The following CD164 variants were observed in gnomAD, a reference collection of about 807,000 sequenced individuals.
CD164 encodes sialomucin core protein 24.
Under a neutral mutation model 24.6 loss-of-function variants are expected in CD164, and 11 were observed. That is an observed-to-expected ratio of 0.45 (90% CI 0.28 to 0.74). The LOEUF (loss-of-function observed/expected upper bound fraction) is 0.74, where lower values mean the gene tolerates loss of function less well. Among genes scored for constraint, CD164 ranks in the 30% least tolerant of loss-of-function variants. CD164 has a pLI of 0.13. For missense variants in CD164, 295 were observed against 243.7 expected (o/e 1.21, Z -1.40); for synonymous variants, 126 against 100.3 (o/e 1.26, Z -1.53).
At chr6:109,374,515 A>C (rs1054461645) in intron 4 of CD164, among the ~76,000 whole-genome samples, 2 of 152,056 alleles carry the variant, frequency 1.3e-5, no homozygotes, top group Admixed American at 1.3e-4. Context: ...CAGGCTATCT[A>C]ATCTCCTGAG....
intron 4 of CD164, chr6:109,371,210 G>A (rs1331768111): frequency 6.6e-6 from 1 of 152,000 alleles, no homozygotes; most frequent in Non-Finnish European, 1.5e-5. Flanking sequence ...TACACTCTGA[G>A]AAGGATTAGT....
chr6:109,376,102 G>C lies in CD164; in HGVS notation c.342C>G (p.Ala114=). 1 of 1,564,722 alleles carries C rather than the reference G, an allele frequency of 6.4e-7. No homozygotes were observed. Reference sequence around the variant, plus strand: ...TAGAATTGGCTGTTGGCACTGGAGTGGCCGTGGAAACTATTAAAAAAAGAA... The same window carrying C: ...TAGAATTGGCTGTTGGCACTGGAGTCGCCGTGGAAACTATTAAAAAAAGAA... ...NTTDFCSVST[A]TPVPTANSTA... is the part of the protein sequence containing the mutation. The change falls in exon 4 of 6, where the codon GCC becomes GCG. Residue 114 remains alanine, a synonymous_variant. Coordinates refer to ENST00000310786, the MANE Select transcript of CD164 (RefSeq NM_006016.6).
intron 4 of CD164, among the ~76,000 whole-genome samples, chr6:109,375,201 A>G (rs1771324012): frequency 6.6e-6 from 1 of 152,222 alleles, no homozygotes; most frequent in African/African-American, 2.4e-5. Context: ...ACTCAAACCT[A>G]TCAGAGATAA....
chr6:109,379,475 A>C, intron 2 of CD164, 104 bp downstream of exon 2: 2 of 796,188 alleles, frequency 2.5e-6, no homozygotes, highest in Non-Finnish European at 4.0e-6. Context: ...CAAAATAAAT[A>C]GTGCACAATA....
In CD164 at chr6:109,368,397, T is replaced by A. The variant is rs1562234407; in HGVS notation, c.*454A>T. 4 of 1,457,200 alleles carry A rather than the reference T, an allele frequency of 2.7e-6. No individual in the cohort carries two copies. Among genetic ancestry groups the A allele is most frequent in the Non-Finnish European group, 3.6e-6 (4 of 1,105,146 alleles). 90.3% of individuals were successfully genotyped at this position (1,457,200 alleles called of 1,614,324 possible). On this transcript the variant is annotated 3_prime_UTR_variant, in exon 6 of 6. Coordinates refer to ENST00000310786, the MANE Select transcript of CD164 (RefSeq NM_006016.6). Reference sequence around the variant, plus strand: ...AGGATACCATTTAGTACTACTAAATTAATAAATTTATTCCACTTTTGAAAT... The same window carrying A: ...AGGATACCATTTAGTACTACTAAATAAATAAATTTATTCCACTTTTGAAAT...
chr6:109,378,614 G>C (rs1406942541), intron 2 of CD164, among the ~76,000 whole-genome samples: 3 of 152,142 alleles, frequency 2.0e-5, no homozygotes, highest in Non-Finnish European at 4.4e-5. Context: ...CTTGGAACAA[G>C]AGTAAGGGGA....
intron 4 of CD164, among the ~76,000 whole-genome samples, chr6:109,375,677 T>A (rs143489787): frequency 6.7e-6 from 1 of 149,882 alleles, no homozygotes; most frequent in Non-Finnish European, 1.5e-5. Flanking sequence ...TATCGTACAA[T>A]TTCATAAAAA....
intron 2 of CD164, among the ~76,000 whole-genome samples, chr6:109,378,644 TTAAAG>T (rs1377769807): frequency 6.6e-6 from 1 of 152,102 alleles, no homozygotes; most frequent in Non-Finnish European, 1.5e-5. Context: ...CCAACAAATC[TTAAAG>T]TAGAGCATTC....
chr6:109,375,867 C>T, intron 4 of CD164: 3 of 509,636 alleles, frequency 5.9e-6, no homozygotes, highest in Non-Finnish European at 1.0e-5. Context: ...CAAATCTGCT[C>T]ACATTCACCG....
At chr6:109,381,395 A>G (rs1439877908) in intron 1 of CD164, 1 of 666,430 alleles carries the variant, frequency 1.5e-6, no homozygotes, top group East Asian at 2.7e-5. Flanking sequence ...TGAGCACAGG[A>G]CATAGTTAAG....
Position 109,369,002 on chromosome 6 carries a change from G to A in CD164, c.443C>T (p.Thr148Ile). ...TVTTSGTTNN[T>I]VTPTSQPVRK... ...CACAGGTTGTGAGGTTGGAGTCACA[G>A]TGTTATTTGTTGTACCTGTTAGATA... The change falls in exon 6 of 6, where the codon ACT becomes ATT. Residue 148 changes from threonine to isoleucine, a missense_variant. Physicochemically the swap from Thr to Ile is moderately conservative, Grantham distance 89. Transcript: ENST00000310786. 1 of 1,612,420 alleles carries A rather than the reference G, an allele frequency of 6.2e-7. No homozygotes were observed. The highest frequency in any genetic ancestry group is 8.5e-7 in the Non-Finnish European group (1 of 1,179,342).
chr6:109,375,999 A>C, intron 4 of CD164, 75 bp downstream of exon 4: 1 of 1,129,970 alleles, frequency 8.8e-7, no homozygotes. Flanking sequence ...CTTTTACATA[A>C]TTATTTAAAA....
Position 109,382,193 on chromosome 6 carries a change from C to G in CD164, c.175+11G>C, listed in dbSNP as rs569033406. On this transcript the variant is annotated intron_variant, in intron 1 of 5. Coordinates refer to ENST00000310786, the MANE Select transcript of CD164 (RefSeq NM_006016.6). ...AGGGGAGGGCGGGAAGCCCACAGGG[C>G]CCGCGCCCACCTGGTGCCGGAGTGG... 1 of 1,535,206 alleles carries G rather than the reference C, an allele frequency of 6.5e-7. No homozygotes were observed. The highest frequency in any genetic ancestry group is 8.7e-7 in the Non-Finnish European group (1 of 1,147,358).
At position 109,367,463 on chromosome 6, in the gene CD164, T is replaced by C. The variant is rs953286566; in HGVS notation, c.*1388A>G. 5.9e-5 allele frequency: 9 copies of C among 152,410 alleles called. No individual in the cohort carries two copies. Among genetic ancestry groups the C allele is most frequent in the Admixed American group, 2.0e-4 (3 of 15,296 alleles). 9.4% of individuals were successfully genotyped at this position (152,410 alleles called of 1,614,324 possible). A position where few individuals can be genotyped will look rare whatever the true frequency, so the allele number is the denominator to read the frequency against. ...AAAGCAAAAGCCCATTTTAAACTAC[T>C]TAAAGCCTCTGCACTAGTCCAATGA... is the stretch of plus-strand genomic sequence containing the variant. On this transcript the variant is annotated 3_prime_UTR_variant, in exon 6 of 6. Transcript: ENST00000310786.
At chr6:109,377,265 T>C (rs913422936) in intron 3 of CD164, among the ~76,000 whole-genome samples, 1 of 152,080 alleles carries the variant, frequency 6.6e-6, no homozygotes, top group Non-Finnish European at 1.5e-5. Flanking sequence ...AATTAAAGAG[T>C]CAAAGGTAGT....
intron 3 of CD164, among the ~76,000 whole-genome samples, chr6:109,377,458 G>C (rs1269218335): frequency 1.3e-5 from 2 of 152,052 alleles, no homozygotes; most frequent in Non-Finnish European, 2.9e-5. Flanking sequence ...AAGTTACTCA[G>C]ATTAAAATAC....
Position 109,375,940 on chromosome 6 carries a change from T to C in CD164, c.370+134A>G, listed in dbSNP as rs1582481215. 2.4e-5 allele frequency: 16 copies of C among 659,500 alleles called. 1 individual carries two copies. The East Asian group carries it at 4.9e-4, about 20-fold the overall frequency. 40.9% of individuals were successfully genotyped at this position (659,500 alleles called of 1,614,324 possible). A position where few individuals can be genotyped will look rare whatever the true frequency, so the allele number is the denominator to read the frequency against. On this transcript the variant is annotated intron_variant, in intron 4 of 5. Transcript: ENST00000310786. The stretch of plus-strand genomic sequence containing the variant: ...AGGTAGAGATTAACGTTAATTGCTG[T>C]GGTCCAAGACTTTTAAGTTTTTACT...
intron 4 of CD164, 45 bp from the exon 5 acceptor site, chr6:109,370,512 AGCTTCCCAGTT>A: frequency 6.6e-7 from 1 of 1,511,300 alleles, no homozygotes; most frequent in Non-Finnish European, 9.1e-7. Context: ...TTAAATTTCT[AGCTTCCCAGTT>A]ATCTAACAGC....
chr6:109,372,703 T>A (rs1242913892), intron 4 of CD164: 1 of 152,218 alleles, frequency 6.6e-6, no homozygotes, highest in Non-Finnish European at 1.5e-5. Flanking sequence ...ATGTTAAAGC[T>A]CATTATTTCT....
Sources: allele counts gnomAD v4.1 joint callset (sites outside exome capture counted in the v4.1 genomes callset), GRCh38; gene constraint gnomAD v4.1.1; transcripts MANE v1.5; gene names NCBI Gene and HGNC (gene_info 2026-07-23, HGNC 2026-07-21).